Variants in FASTKD1 observed in about 807,000 individuals in gnomAD.
The protein encoded by FASTKD1 is FAST kinase domains 1.
In FASTKD1, 94 loss-of-function variants were observed where a neutral mutation model predicts 90.9. The observed-to-expected ratio is 1.03, with a 90% CI of 0.88 to 1.23. The LOEUF is 1.23. Ranked by LOEUF, FASTKD1 falls within the 50% of genes most tolerant of loss-of-function variation. The pLI is 0.00. For synonymous variants in FASTKD1, 319 were observed against 345.8 expected, an observed-to-expected ratio of 0.92 and a Z score of 0.86; for missense variants, 945 against 993.5, an observed-to-expected ratio of 0.95 and a Z score of 0.66.
At position 169,530,640 on chromosome 2, in the gene FASTKD1, T is replaced by C. The variant is rs754628275; in HGVS notation, c.2389A>G (p.Lys797Glu). Residue 797 changes from lysine (K) to glutamate (E), a missense_variant, in exon 14 of 15, where the codon AAA becomes GAA. Lys to Glu is a moderately conservative substitution (Grantham distance 56). Transcript: ENST00000453153. ...LCRNIPHMKG[K>E]SAMKKRHLEI... ...AAATGTCGTTTTTTCATAGCAGATT[T>C]TCCTTTCATGTGAGGGATATTTCTA... The C allele has an allele frequency of 1.2e-6, 2 of 1,610,982 alleles. No individual in the cohort carries two copies. The highest frequency in any genetic ancestry group is 2.2e-5 in the South Asian group (2 of 89,988).
rs1174524455 is a variant in FASTKD1, at chr2:169,571,665, T to C, written c.365A>G (p.Tyr122Cys). The change falls in exon 2 of 15, where the codon TAC (tyrosine) becomes TGC (cysteine). Residue 122 changes from tyrosine (Y) to cysteine (C), a missense_variant. Coordinates refer to ENST00000453153, the MANE Select transcript of FASTKD1 (RefSeq NM_024622.6). ...MNDDTLVNVL[Y>C]VTQQFAGEAH... ...GTAAATTACTTACTGTTGTGTGACG[T>C]ATAACACATTCACCAGGGTATCGTC... The C allele has an allele frequency of 5.0e-6, 8 of 1,593,714 alleles. No individual in the cohort carries two copies. Among genetic ancestry groups the C allele is most frequent in the Non-Finnish European group, 6.9e-6 (8 of 1,163,584 alleles).
At chr2:169,561,511 G>GA (rs1683598054) in intron 4 of FASTKD1, among the ~76,000 whole-genome samples, 2 of 151,756 alleles carry the variant, frequency 1.3e-5, no homozygotes, top group Admixed American at 1.3e-4. Flanking sequence ...ATGAAAACCA[G>GA]AGAAACTCCT....
chr2:169,565,694 G>A (rs181850845), intron 3 of FASTKD1, among the ~76,000 whole-genome samples: 246 of 152,116 alleles, frequency 1.6e-3, no homozygotes, highest in Non-Finnish European at 2.9e-3. Context: ...CTGTCTTTTG[G>A]GTATATACCC....
intron 9 of FASTKD1, among the ~76,000 whole-genome samples, chr2:169,543,944 T>C (rs991558281): frequency 6.6e-6 from 1 of 152,156 alleles, no homozygotes. Flanking sequence ...CTAAAATGTA[T>C]TTTGGTAACA....
Position 169,560,755 on chromosome 2 carries a change from A to C in FASTKD1, c.603T>G (p.Ser201=), listed in dbSNP as rs1239485691. ...GTTGAAAATGTCGTGATATTAAAGA[A>C]GATATGTTGACCATCAAGACAGACA... is the stretch of plus-strand genomic sequence containing the variant. ...SSLSVLMVNI[S]SLISRHFQQQ... Residue 201 remains serine (S), a synonymous_variant, in exon 5 of 15, where the codon TCT becomes TCG. Transcript: ENST00000453153. 1.9e-6 allele frequency: 3 copies of C among 1,583,766 alleles called. No homozygotes were observed. Among genetic ancestry groups the C allele is most frequent in the Admixed American group, 1.9e-5 (1 of 53,642 alleles).
At position 169,528,856 on chromosome 2, in the gene FASTKD1, C is replaced by T. The variant is rs1684364579; in HGVS notation, c.*969G>A. On this transcript the variant is annotated 3_prime_UTR_variant, in exon 15 of 15. Coordinates refer to ENST00000453153, the MANE Select transcript of FASTKD1 (RefSeq NM_024622.6). ...TCCACTTGGCTTCTAGGAAGTATTA[C>T]TTACCTTCCTTCCTCCTACCTCATT... is the stretch of plus-strand genomic sequence containing the variant. Among the ~76,000 whole-genome samples, 2 of 151,832 alleles carry T rather than the reference C, an allele frequency of 1.3e-5. No individual in the cohort carries two copies. The highest frequency in any genetic ancestry group is 4.2e-4 in the South Asian group (2 of 4,804).
At chr2:169,551,117 A>G (rs1457604427) in intron 7 of FASTKD1, among the ~76,000 whole-genome samples, 1 of 152,140 alleles carries the variant, frequency 6.6e-6, no homozygotes, top group Non-Finnish European at 1.5e-5. Flanking sequence ...GTTATAGGGG[A>G]AAAAAAGTAA....
chr2:169,560,835 A>G, intron 4 of FASTKD1, 50 bp from the exon 5 acceptor site: 1 of 929,102 alleles, frequency 1.1e-6, no homozygotes, highest in Non-Finnish European at 1.4e-6. Flanking sequence ...AAGAATGATC[A>G]ATTCTTTTTT....
intron 12 of FASTKD1, 96 bp from the exon 13 acceptor site, chr2:169,531,586 T>TAC (rs899448889): frequency 6.6e-6 from 6 of 913,316 alleles, no homozygotes; most frequent in African/African-American, 1.7e-5. Context: ...ATAATATTTG[T>TAC]ACACACACAC....
At chr2:169,572,209 C>A (rs1684265972) in intron 1 of FASTKD1, 38 bp from the exon 2 acceptor site, 2 of 521,562 alleles carry the variant, frequency 3.8e-6, no homozygotes, top group Non-Finnish European at 6.1e-6. Flanking sequence ...ATGCTTACAT[C>A]ATTAATATCA....
At chr2:169,529,955 A>C in intron 14 of FASTKD1, 29 bp from the exon 15 acceptor site, 8 of 1,493,836 alleles carry the variant, frequency 5.4e-6, no homozygotes, top group Non-Finnish European at 7.4e-6. Context: ...GTTTGAATGA[A>C]AGTTTTAAAG....
At chr2:169,567,489 G>T (rs1684041103) in intron 3 of FASTKD1, among the ~76,000 whole-genome samples, 1 of 152,144 alleles carries the variant, frequency 6.6e-6, no homozygotes, top group Non-Finnish European at 1.5e-5. Flanking sequence ...GATGGGTTTA[G>T]CTAATAAGAT....
intron 7 of FASTKD1, among the ~76,000 whole-genome samples, chr2:169,552,628 T>G (rs1039052034): frequency 6.6e-6 from 1 of 152,018 alleles, no homozygotes; most frequent in Non-Finnish European, 1.5e-5. Flanking sequence ...TTATACTAAG[T>G]GAAGTAACAC....
At chr2:169,544,698 G>T in intron 9 of FASTKD1, 23 bp downstream of exon 9, 2 of 1,283,232 alleles carry the variant, frequency 1.6e-6, no homozygotes, top group South Asian at 1.2e-5. Flanking sequence ...TTCACTCAAT[G>T]TATTACCAAA....
intron 13 of FASTKD1, 113 bp from the exon 14 acceptor site, chr2:169,530,814 T>A: frequency 1.5e-6 from 1 of 656,662 alleles, no homozygotes; most frequent in Non-Finnish European, 2.7e-6. Flanking sequence ...CCAATGAATA[T>A]AAATGAGTAT....
At chr2:169,547,443 G>A (rs1381921820) in intron 7 of FASTKD1, among the ~76,000 whole-genome samples, 5 of 152,180 alleles carry the variant, frequency 3.3e-5, no homozygotes, top group Non-Finnish European at 5.9e-5. Flanking sequence ...TTAGAGTCCT[G>A]CTTTGGGGCA....
At chr2:169,560,931 C>A (rs1283064533) in intron 4 of FASTKD1, 146 bp from the exon 5 acceptor site, 1 of 525,430 alleles carries the variant, frequency 1.9e-6, no homozygotes, top group Non-Finnish European at 3.0e-6. Context: ...AATCCTCCCA[C>A]CTCAGCCTCC....
In FASTKD1 at chr2:169,528,793, T is replaced by A. The variant is rs1684362934; in HGVS notation, c.*1032A>T. ...CATCTTTCCTGACCTATCAGCAGCA[T>A]CTGATACAACTACTCACCTCCCCCT... On this transcript the variant is annotated 3_prime_UTR_variant, in exon 15 of 15. Transcript: ENST00000453153. Among the ~76,000 whole-genome samples the A allele has an allele frequency of 6.6e-6, 1 of 152,298 alleles. No homozygotes were observed. The highest frequency in any genetic ancestry group is 3.4e-3 in the Middle Eastern group (1 of 294).
intron 4 of FASTKD1, among the ~76,000 whole-genome samples, chr2:169,561,863 A>ATTTATTAATTTATTGTAAAT (rs1194348182): frequency 7.8e-5 from 1 of 12,774 alleles, no homozygotes; most frequent in Admixed American, 1.3e-3. Context: ...TTATTGTAAA[A>ATTTATTAATTTATTGTAAAT]TAATTATTTA....
Sources: allele counts gnomAD v4.1 joint callset (sites outside exome capture counted in the v4.1 genomes callset), GRCh38; gene constraint gnomAD v4.1.1; transcripts MANE v1.5; gene names NCBI Gene and HGNC (gene_info 2026-07-23, HGNC 2026-07-21).